The following PPFIA2 variants were observed in gnomAD, a reference collection of about 807,000 sequenced individuals.
PPFIA2 encodes PPFI scaffold protein A2.
Under a neutral mutation model 175.5 loss-of-function variants are expected in PPFIA2, and 46 were observed. The ratio of observed to expected loss-of-function variants is 0.26; its 90% CI spans 0.21 to 0.34. PPFIA2 has a LOEUF of 0.34. Ranked by LOEUF, PPFIA2 falls within the 10% of genes least tolerant of loss-of-function variation. The pLI is 1.00. For missense variants in PPFIA2, 1,179 were observed against 1,506.1 expected, an observed-to-expected ratio of 0.78 and a Z score of 3.60; for synonymous variants, 568 against 511.4, an observed-to-expected ratio of 1.11 and a Z score of -1.49.
intron 28 of PPFIA2, among the ~76,000 whole-genome samples, chr12:81,276,026 C>T (rs539704506): frequency 2.0e-5 from 3 of 152,184 alleles, no homozygotes; most frequent in South Asian, 2.1e-4. Context: ...CCTCGTGATC[C>T]GCCCGCCTCG....
intron 3 of PPFIA2, among the ~76,000 whole-genome samples, chr12:81,687,110 G>A (rs1042489647): frequency 6.6e-6 from 1 of 151,958 alleles, no homozygotes; most frequent in African/African-American, 2.4e-5. Context: ...GCTAAGGTTG[G>A]AGAACCACTA....
At chr12:81,417,790 C>G (rs1021927312) in intron 7 of PPFIA2, among the ~76,000 whole-genome samples, 6 of 151,530 alleles carry the variant, frequency 4.0e-5, no homozygotes, top group African/African-American at 1.5e-4. Flanking sequence ...GTCTTTACAC[C>G]CTTACTATTA....
intron 3 of PPFIA2, among the ~76,000 whole-genome samples, chr12:81,712,640 G>A (rs924583613): frequency 2.0e-5 from 3 of 151,078 alleles, no homozygotes; most frequent in African/African-American, 7.3e-5. Context: ...ATATTCTGAA[G>A]GTAGATAGTT....
rs564019591 is a variant in PPFIA2 at position 81,494,177 on chromosome 12, T to A, written c.304-36311A>T. 1.2e-3 allele frequency among the ~76,000 whole-genome samples: 180 copies of A among 151,132 alleles called. 1 individual carries two copies. The highest frequency in any genetic ancestry group is 3.7e-3 in the African/African-American group (152 of 41,128). ...AGGCAACCTACAAAATGGGAAAAAA[T>A]TTTCGCAACCTACTCATCTGACAAA... On this transcript the variant is annotated intron_variant, in intron 4 of 32. Transcript: ENST00000549396.
intron 21 of PPFIA2, among the ~76,000 whole-genome samples, chr12:81,328,265 A>C (rs2055266066): frequency 6.6e-6 from 1 of 152,172 alleles, no homozygotes; most frequent in African/African-American, 2.4e-5. Context: ...TCTAGGCATC[A>C]GTGGGCTCAT....
intron 3 of PPFIA2, among the ~76,000 whole-genome samples, chr12:81,704,852 G>A (rs990407869): frequency 1.3e-5 from 2 of 151,780 alleles, no homozygotes; most frequent in East Asian, 3.9e-4. Context: ...GGGAGGCCGA[G>A]GCAGGTGGAT....
intron 7 of PPFIA2, among the ~76,000 whole-genome samples, chr12:81,437,039 A>G (rs909989148): frequency 6.6e-6 from 1 of 152,188 alleles, no homozygotes; most frequent in Non-Finnish European, 1.5e-5. Flanking sequence ...TAAAAAGTAA[A>G]AATTTATTTT....
intron 4 of PPFIA2, among the ~76,000 whole-genome samples, chr12:81,549,014 GC>G (rs577088634): frequency 1.5e-4 from 23 of 152,038 alleles, no homozygotes; most frequent in Non-Finnish European, 2.8e-4. Flanking sequence ...ATATAAGGAA[GC>G]TTAGTTTCCT....
intron 16 of PPFIA2, among the ~76,000 whole-genome samples, chr12:81,355,208 C>G (rs745760952): frequency 6.6e-6 from 1 of 152,132 alleles, no homozygotes. Context: ...TCTGTCAGAG[C>G]TCTTGGGTGG....
chr12:81,441,467 G>A (rs1050968972), intron 6 of PPFIA2, among the ~76,000 whole-genome samples: 1 of 151,972 alleles, frequency 6.6e-6, no homozygotes. Context: ...GAGTTGCACA[G>A]GATCTTTCAT....
chr12:81,317,922 T>C (rs1319132652), intron 22 of PPFIA2, among the ~76,000 whole-genome samples: 2 of 151,654 alleles, frequency 1.3e-5, no homozygotes, highest in African/African-American at 4.8e-5. Context: ...AATCCTACTA[T>C]GTACATATGC....
intron 4 of PPFIA2, among the ~76,000 whole-genome samples, chr12:81,588,981 C>T (rs187593772): frequency 6.5e-4 from 99 of 152,148 alleles, no homozygotes; most frequent in Non-Finnish European, 8.7e-4. Context: ...ACTTGTATGC[C>T]TAAACCTGAG....
intron 4 of PPFIA2, among the ~76,000 whole-genome samples, chr12:81,653,661 T>C (rs2153535807): frequency 6.6e-6 from 1 of 152,160 alleles, no homozygotes; most frequent in South Asian, 2.1e-4. Flanking sequence ...TCTATAAAAA[T>C]CATATTACCA....
intron 3 of PPFIA2, among the ~76,000 whole-genome samples, chr12:81,710,658 TCATTTA>T (rs946333290): frequency 1.3e-5 from 2 of 151,682 alleles, no homozygotes; most frequent in East Asian, 1.9e-4. Flanking sequence ...AACACAAAAT[TCATTTA>T]TGTTTCATAT....
intron 3 of PPFIA2, among the ~76,000 whole-genome samples, chr12:81,715,346 T>C (rs995391373): frequency 6.6e-6 from 1 of 151,834 alleles, no homozygotes; most frequent in African/African-American, 2.4e-5. Context: ...TTAATACATA[T>C]TAATAGCGAA....
chr12:81,626,054 A>G (rs1239881065), intron 4 of PPFIA2, among the ~76,000 whole-genome samples: 1 of 151,726 alleles, frequency 6.6e-6, no homozygotes, highest in Non-Finnish European at 1.5e-5. Context: ...TTCAAAAGCA[A>G]AATATATAAA....
chr12:81,390,162 T>A (rs59507089), intron 8 of PPFIA2, among the ~76,000 whole-genome samples: 4,508 of 152,174 alleles, frequency 0.03, 209 homozygotes, highest in African/African-American at 0.1. Flanking sequence ...TGGGGATATA[T>A]TACATGTTAT....
rs1262394669 is a variant in PPFIA2, at chr12:81,642,799, G to GTA, written c.303+33990_303+33991dup. Among the ~76,000 whole-genome samples, 4 of 26,064 alleles carry GTA rather than the reference G, an allele frequency of 1.5e-4. 1 individual carries two copies. The highest frequency in any genetic ancestry group is 2.2e-4 in the Non-Finnish European group (3 of 13,652). The allele number at this position is 26,064 out of a possible 152,430, so 17.1% of individuals were successfully genotyped here. On this transcript the variant is annotated intron_variant, in intron 4 of 32. Coordinates refer to ENST00000549396, the MANE Select transcript of PPFIA2 (RefSeq NM_003625.5). ...ATGTATTATATACATACATGTATATGTATGTATGTATTACATACATGTATA... is the reference window on the plus strand; with the variant it reads ...ATGTATTATATACATACATGTATATGTATATGTATGTATTACATACATGTATA...
chr12:81,294,499 A>G (rs940237373), intron 24 of PPFIA2: 22 of 183,528 alleles, frequency 1.2e-4, no homozygotes, highest in African/African-American at 4.8e-4. Context: ...AGAAGGAAGG[A>G]AGGGAGGGAG....
Sources: gnomAD v4.1 joint callset for allele counts (sites outside exome capture counted in the v4.1 genomes callset) on GRCh38, gnomAD v4.1.1 for gene constraint, MANE v1.5 for transcripts, NCBI Gene and HGNC (gene_info 2026-07-23, HGNC 2026-07-21) for gene names.